TMEM108: variants seen among roughly 807,000 people sequenced by gnomAD.
The protein encoded by TMEM108 is transmembrane protein 108.
In TMEM108, 12 loss-of-function variants were observed where a neutral mutation model predicts 35.1. The ratio of observed to expected loss-of-function variants is 0.34; its 90% CI spans 0.22 to 0.55. The LOEUF is 0.55. Ranked by LOEUF, TMEM108 falls within the 20% of genes least tolerant of loss-of-function variation. The pLI, the probability that TMEM108 is intolerant of heterozygous loss-of-function variation, is 0.89. For missense variants in TMEM108, 680 were observed against 753.3 expected (o/e 0.90, Z 1.14); for synonymous variants, 287 against 308.6 (o/e 0.93, Z 0.73).
intron 2 of TMEM108, among the ~76,000 whole-genome samples, chr3:133,176,637 A>G (rs1440656714): frequency 1.3e-5 from 2 of 150,434 alleles, no homozygotes; most frequent in Non-Finnish European, 3.0e-5. Flanking sequence ...AAGACACAAC[A>G]TACCAGAATC....
At position 133,265,691 on chromosome 3, in the gene TMEM108, C is replaced by A. The variant is rs116729922; in HGVS notation, c.40+36340C>A. Among the ~76,000 whole-genome samples, 1,481 of 152,264 alleles carry A rather than the reference C, an allele frequency of 9.7e-3. 24 individuals carry two copies. The highest frequency in any genetic ancestry group is 0.034 in the African/African-American group (1,404 of 41,540). On this transcript the variant is annotated intron_variant, in intron 3 of 5. Transcript: ENST00000321871. Reference sequence around the variant, plus strand: ...CTTTTGCGGAAAGCCTGAATGAGATCATTGAAAATAAATGGAATATGCATG... The same window carrying A: ...CTTTTGCGGAAAGCCTGAATGAGATAATTGAAAATAAATGGAATATGCATG...
chr3:133,243,804 A>G (rs569372442), intron 3 of TMEM108, among the ~76,000 whole-genome samples: 50 of 152,054 alleles, frequency 3.3e-4, no homozygotes, highest in South Asian at 1.0e-3. Flanking sequence ...GATTACAGGC[A>G]TGAGCCACCG....
At chr3:133,307,747 C>T (rs2071063690) in intron 3 of TMEM108, among the ~76,000 whole-genome samples, 1 of 152,084 alleles carries the variant, frequency 6.6e-6, no homozygotes, top group African/African-American at 2.4e-5. Flanking sequence ...GTTTTGGTAC[C>T]AGTACTATAC....
intron 2 of TMEM108, among the ~76,000 whole-genome samples, chr3:133,094,233 A>ACCCCCCACCCCCCT (rs1553732630): frequency 4.3e-5 from 1 of 23,324 alleles, no homozygotes; most frequent in Non-Finnish European, 1.0e-4. Flanking sequence ...CCCACCCCCC[A>ACCCCCCACCCCCCT]CCCCCCCCAC....
chr3:133,073,502 CTCTCTCTCTATATATA>C (rs1000117428), intron 2 of TMEM108, among the ~76,000 whole-genome samples: 7 of 90,416 alleles, frequency 7.7e-5, no homozygotes, highest in African/African-American at 3.7e-4. Context: ...CTCTCTCTCT[CTCTCTCTCTATATATA>C]TATATATATA....
At chr3:133,121,693 G>C (rs1006295902) in intron 2 of TMEM108, among the ~76,000 whole-genome samples, 4 of 152,142 alleles carry the variant, frequency 2.6e-5, no homozygotes, top group Non-Finnish European at 5.9e-5. Context: ...ATTATGTCTG[G>C]CTTTCAGAGA....
chr3:133,073,510 C>CTCTCTCTCTCTCTATATATATA, intron 2 of TMEM108, among the ~76,000 whole-genome samples: 97 of 43,870 alleles, frequency 2.2e-3, no homozygotes, highest in Non-Finnish European at 2.9e-3. Flanking sequence ...CTCTCTCTCT[C>CTCTCTCTCTCTCTATATATATA]TATATATATA....
At chr3:133,366,253 T>A (rs1355057507) in intron 3 of TMEM108, among the ~76,000 whole-genome samples, 1 of 152,208 alleles carries the variant, frequency 6.6e-6, no homozygotes. Context: ...TTGCCAGAAT[T>A]TTCCCTACCA....
intron 2 of TMEM108, among the ~76,000 whole-genome samples, chr3:133,206,376 G>A (rs1945754030): frequency 6.6e-6 from 1 of 152,190 alleles, no homozygotes. Context: ...GAGGAGAAGA[G>A]GTGTTCTGGT....
chr3:133,305,939 C>A (rs192594671), intron 3 of TMEM108, among the ~76,000 whole-genome samples: 1 of 152,018 alleles, frequency 6.6e-6, no homozygotes, highest in East Asian at 1.9e-4. Context: ...GGTGTAAGAG[C>A]CCAATTTTTT....
intron 2 of TMEM108, among the ~76,000 whole-genome samples, chr3:133,221,809 AT>A (rs1945997231): frequency 6.6e-6 from 1 of 150,926 alleles, no homozygotes. Context: ...AACCTTTACA[AT>A]TTTACTCCAC....
chr3:133,127,283 G>A (rs1034585219), intron 2 of TMEM108, among the ~76,000 whole-genome samples: 3 of 151,994 alleles, frequency 2.0e-5, no homozygotes, highest in Admixed American at 6.6e-5. Context: ...ATAAAATTTG[G>A]TTTCTTATTC....
chr3:133,388,633 T>TAGA (rs1269386003), intron 4 of TMEM108: 1 of 985,262 alleles, frequency 1.0e-6, no homozygotes, highest in Non-Finnish European at 1.2e-6. Context: ...AAAAGCAAAT[T>TAGA]AGAAGTCTTT....
At chr3:133,291,021 T>C (rs1389059596) in intron 3 of TMEM108, among the ~76,000 whole-genome samples, 1 of 152,214 alleles carries the variant, frequency 6.6e-6, no homozygotes, top group East Asian at 1.9e-4. Flanking sequence ...GCTCATATAA[T>C]AATATTTTGC....
chr3:133,227,622 C>T (rs182647527), intron 2 of TMEM108, among the ~76,000 whole-genome samples: 24 of 151,868 alleles, frequency 1.6e-4, no homozygotes, highest in African/African-American at 5.3e-4. Flanking sequence ...TGAGGCCAGG[C>T]ATGGTGGCTC....
chr3:133,205,780 G>T (rs1945743843), intron 2 of TMEM108, among the ~76,000 whole-genome samples: 1 of 151,944 alleles, frequency 6.6e-6, no homozygotes. Context: ...TATGTCTTGG[G>T]GTTGCTCTTC....
chr3:133,118,414 A>G (rs1024193325), intron 2 of TMEM108, among the ~76,000 whole-genome samples: 9 of 152,188 alleles, frequency 5.9e-5, no homozygotes, highest in Non-Finnish European at 1.0e-4. Flanking sequence ...TATTCTTTCC[A>G]AGAAGAAGGG....
intron 2 of TMEM108, among the ~76,000 whole-genome samples, chr3:133,221,566 T>C (rs1290636984): frequency 1.3e-5 from 2 of 152,138 alleles, no homozygotes; most frequent in Non-Finnish European, 2.9e-5. Flanking sequence ...TTCATGGTTG[T>C]TTTGTAGATC....
At chr3:133,251,197 A>G (rs538838544) in intron 3 of TMEM108, among the ~76,000 whole-genome samples, 2 of 152,316 alleles carry the variant, frequency 1.3e-5, no homozygotes, top group African/African-American at 4.8e-5. Context: ...AATGTCTGTT[A>G]TATGTGCAAG....
Sources: gnomAD v4.1 joint callset for allele counts (sites outside exome capture counted in the v4.1 genomes callset) on GRCh38, gnomAD v4.1.1 for gene constraint, MANE v1.5 for transcripts, NCBI Gene and HGNC (gene_info 2026-07-23, HGNC 2026-07-21) for gene names.